Variants in MYOCD observed in about 807,000 individuals in gnomAD.
The protein encoded by MYOCD is myocardin.
In MYOCD, 32 loss-of-function variants were observed where a neutral mutation model predicts 96.1. That is an observed-to-expected ratio of 0.33 (90% CI 0.25 to 0.45). The LOEUF is 0.45. Ranked by LOEUF, MYOCD falls within the 20% of genes least tolerant of loss-of-function variation. MYOCD has a pLI of 1.00. For synonymous variants in MYOCD, 469 were observed against 469.0 expected (o/e 1.00, Z 0.00); for missense variants, 1,133 against 1,200.6 (o/e 0.94, Z 0.83).
chr17:12,758,238 G>T (rs376175103), intron 12 of MYOCD, 25 bp downstream of exon 12: 1 of 1,613,876 alleles, frequency 6.2e-7, no homozygotes, highest in South Asian at 1.1e-5. Flanking sequence ...TGTTCTTTAT[G>T]GAAGAATAGA....
intron 7 of MYOCD, among the ~76,000 whole-genome samples, chr17:12,740,227 G>T (rs1290638846): frequency 2.0e-5 from 3 of 152,264 alleles, no homozygotes; most frequent in Non-Finnish European, 2.9e-5. Context: ...GAGCCACTGC[G>T]CCCGGCCCTT....
At chr17:12,731,136 C>A (rs187718179) in intron 5 of MYOCD, among the ~76,000 whole-genome samples, 1 of 152,196 alleles carries the variant, frequency 6.6e-6, no homozygotes, top group Non-Finnish European at 1.5e-5. Context: ...GCCAGCACAC[C>A]GCTCTCCATC....
chr17:12,756,297 A>T, intron 10 of MYOCD, 117 bp from the exon 11 acceptor site: 1 of 1,201,122 alleles, frequency 8.3e-7, no homozygotes, highest in South Asian at 1.3e-5. Flanking sequence ...AATGGAATTT[A>T]GGAAGGTTTG....
At chr17:12,754,081 T>TGTGTGTGTGG (rs769534493) in intron 10 of MYOCD, among the ~76,000 whole-genome samples, 4 of 145,912 alleles carry the variant, frequency 2.7e-5, no homozygotes, top group African/African-American at 1.0e-4. Flanking sequence ...TGTGTATGTG[T>TGTGTGTGTGG]GTGTGTGTGT....
At chr17:12,707,046 G>C (rs1197928813) in intron 2 of MYOCD, among the ~76,000 whole-genome samples, 2 of 152,154 alleles carry the variant, frequency 1.3e-5, no homozygotes, top group Non-Finnish European at 2.9e-5. Context: ...CACACTGCAG[G>C]CCCTGCCTGT....
chr17:12,696,490 G>C (rs967429044), intron 1 of MYOCD, among the ~76,000 whole-genome samples: 2 of 152,120 alleles, frequency 1.3e-5, no homozygotes, highest in African/African-American at 4.8e-5. Context: ...TTGAGGAGCT[G>C]CCCTACTCTT....
chr17:12,743,956 C>T (rs926980028), intron 7 of MYOCD, among the ~76,000 whole-genome samples: 1 of 152,234 alleles, frequency 6.6e-6, no homozygotes, highest in Admixed American at 6.5e-5. Flanking sequence ...TAAGATTCAA[C>T]ATTCCCTGTC....
intron 1 of MYOCD, among the ~76,000 whole-genome samples, chr17:12,689,353 C>T (rs2030325201): frequency 6.6e-6 from 1 of 152,174 alleles, no homozygotes; most frequent in Admixed American, 6.5e-5. Context: ...TAGACTCCCA[C>T]ACCCTATAAA....
At chr17:12,709,121 T>C (rs1365028516) in intron 2 of MYOCD, among the ~76,000 whole-genome samples, 1 of 152,178 alleles carries the variant, frequency 6.6e-6, no homozygotes, top group Admixed American at 6.5e-5. Flanking sequence ...GCATTCCAAA[T>C]TGATAATTAA....
In MYOCD at chr17:12,722,841, C is replaced by G. The variant is rs950814108; in HGVS notation, c.254-6C>G. 23 of 1,606,048 alleles carry G rather than the reference C, an allele frequency of 1.4e-5. No homozygotes were observed. Among genetic ancestry groups the G allele is most frequent in the Non-Finnish European group, 1.9e-5 (22 of 1,177,098 alleles). ...AGAACTGATCCTTTTCATTTCAACCCTTTAGCTTCCACTGCAGAGAGGTCC... is the reference window on the plus strand; with the variant it reads ...AGAACTGATCCTTTTCATTTCAACCGTTTAGCTTCCACTGCAGAGAGGTCC... On this transcript the variant is annotated splice_polypyrimidine_tract_variant and splice_region_variant and intron_variant, in intron 4 of 13. Coordinates refer to ENST00000425538, the MANE Select transcript of MYOCD (RefSeq NM_001146312.3).
At chr17:12,694,075 A>T (rs1325368335) in intron 1 of MYOCD, among the ~76,000 whole-genome samples, 1 of 152,194 alleles carries the variant, frequency 6.6e-6, no homozygotes, top group East Asian at 1.9e-4. Context: ...AATACCTGTC[A>T]CTTAGAGGTG....
At chr17:12,700,031 C>T (rs1288498564) in intron 1 of MYOCD, among the ~76,000 whole-genome samples, 1 of 151,490 alleles carries the variant, frequency 6.6e-6, no homozygotes, top group African/African-American at 2.4e-5. Context: ...GCCTCAGCCT[C>T]CCGAGTAGCT....
intron 3 of MYOCD, 68 bp downstream of exon 3, chr17:12,715,642 G>A: frequency 8.0e-7 from 1 of 1,243,958 alleles, no homozygotes; most frequent in Non-Finnish European, 1.2e-6. Context: ...GCTAATCCTT[G>A]GTGGATGCGT....
At chr17:12,701,507 T>G (rs556722975) in intron 1 of MYOCD, among the ~76,000 whole-genome samples, 36 of 152,342 alleles carry the variant, frequency 2.4e-4, no homozygotes, top group Admixed American at 7.8e-4. Context: ...CATTGTCAAT[T>G]TTTTCTACTA....
chr17:12,690,632 G>A (rs76151615), intron 1 of MYOCD, among the ~76,000 whole-genome samples: 4,798 of 152,118 alleles, frequency 0.032, 190 homozygotes, highest in Admixed American at 0.11. Flanking sequence ...TGCTTATTTC[G>A]ATTTCTCAAA....
chr17:12,685,898 TAC>T (rs1267444106), intron 1 of MYOCD, among the ~76,000 whole-genome samples: 1 of 152,222 alleles, frequency 6.6e-6, no homozygotes, highest in Non-Finnish European at 1.5e-5. Context: ...AATTTGTAGA[TAC>T]ACACACGAAT....
intron 1 of MYOCD, among the ~76,000 whole-genome samples, chr17:12,677,345 C>T (rs1567567735): frequency 6.6e-6 from 1 of 152,046 alleles, no homozygotes; most frequent in Non-Finnish European, 1.5e-5. Flanking sequence ...GTACAACAAA[C>T]CCCCATGACA....
At chr17:12,683,890 T>C (rs948647321) in intron 1 of MYOCD, among the ~76,000 whole-genome samples, 1 of 152,204 alleles carries the variant, frequency 6.6e-6, no homozygotes, top group African/African-American at 2.4e-5. Flanking sequence ...AAATATTGAA[T>C]GAATGAAATG....
intron 1 of MYOCD, among the ~76,000 whole-genome samples, chr17:12,693,364 C>T (rs2030560453): frequency 6.6e-6 from 1 of 151,886 alleles, no homozygotes; most frequent in Admixed American, 6.6e-5. Context: ...AATCCCAGCA[C>T]TTTGGGAGGC....
Sources: allele counts gnomAD v4.1 joint callset (sites outside exome capture counted in the v4.1 genomes callset), GRCh38; gene constraint gnomAD v4.1.1; transcripts MANE v1.5; gene names NCBI Gene and HGNC (gene_info 2026-07-23, HGNC 2026-07-21).